RELT: variants seen among roughly 807,000 people sequenced by gnomAD.
RELT encodes the protein tumor necrosis factor receptor superfamily member 19L.
Under a neutral mutation model 51.1 loss-of-function variants are expected in RELT, and 37 were observed. The observed-to-expected ratio is 0.72, with a 90% CI of 0.56 to 0.95. The LOEUF (loss-of-function observed/expected upper bound fraction) is 0.95. Ranked by LOEUF, RELT falls within the 40% of genes least tolerant of loss-of-function variation. RELT has a pLI of 0.00. For synonymous variants in RELT, 241 were observed against 235.7 expected (o/e 1.02, Z -0.21); for missense variants, 535 against 572.6 (o/e 0.93, Z 0.67).
intron 1 of RELT, among the ~76,000 whole-genome samples, chr11:73,381,563 G>A (rs1249573036): frequency 6.6e-6 from 1 of 152,224 alleles, no homozygotes; most frequent in Non-Finnish European, 1.5e-5. Context: ...TTGACAGGGA[G>A]GCTGGGGAGG....
At chr11:73,377,688 C>CCA (rs1565216849) in intron 1 of RELT, among the ~76,000 whole-genome samples, 1 of 150,472 alleles carries the variant, frequency 6.6e-6, no homozygotes, top group Non-Finnish European at 1.5e-5. Flanking sequence ...CAGACCCCCC[C>CCA]GCCCCCCTCC....
chr11:73,395,882 G>GCC lies in RELT; in HGVS notation c.*392_*393dup. The GCC allele has an allele frequency of 3.1e-6, 1 of 319,462 alleles. No homozygotes were observed. The highest frequency in any genetic ancestry group is 6.9e-5 in the East Asian group (1 of 14,404). The allele number at this position is 319,462 out of a possible 1,614,324, so 19.8% of individuals were successfully genotyped here. ...TTCCTTGGTAATTAGCCACACCCTT[G>GCC]CCTCTGTACAGGGCCCTAGAGCAGA... On this transcript the variant is annotated 3_prime_UTR_variant, in exon 11 of 11. Coordinates refer to ENST00000064780, the MANE Select transcript of RELT (RefSeq NM_152222.2).
At position 73,394,262 on chromosome 11, in the gene RELT, C is replaced by T. The variant is rs1866268741; in HGVS notation, c.733C>T (p.Leu245=). Residue 245 remains leucine (L), a synonymous_variant, in exon 8 of 11, where the codon CTG becomes TTG. Transcript: ENST00000064780. The surrounding 1 kb of genome is among the most constrained non-coding windows in gnomAD (Gnocchi z 4.9). ...GAATGCTGCGGCCCTGGAGGAGCTG[C>T]TGAAAGAGTACCACAGCAAACAGCT... ...KENAAALEEL[L]KEYHSKQLVQ... is the part of the protein sequence containing the mutation. 1.9e-6 allele frequency: 3 copies of T among 1,611,118 alleles called. No homozygotes were observed. Among genetic ancestry groups the T allele is most frequent in the Non-Finnish European group, 2.5e-6 (3 of 1,179,174 alleles).
chr11:73,377,590 A>G (rs1411834754), intron 1 of RELT, among the ~76,000 whole-genome samples: 1 of 151,394 alleles, frequency 6.6e-6, no homozygotes, highest in African/African-American at 2.4e-5. Flanking sequence ...CTGCATCCAC[A>G]CACTCACGCA....
chr11:73,384,362 ACCC>A (rs1433065385), intron 1 of RELT: 2 of 152,276 alleles, frequency 1.3e-5, no homozygotes, highest in Non-Finnish European at 2.9e-5. Context: ...ACCAGGGCGA[ACCC>A]AGCACCGCCT....
chr11:73,385,041 A>G (rs528447044), intron 1 of RELT, among the ~76,000 whole-genome samples: 25 of 151,788 alleles, frequency 1.6e-4, no homozygotes, highest in Admixed American at 4.6e-4. Context: ...GCGCGTCACG[A>G]CGCCATCCTG....
chr11:73,393,191 A>T (rs1866247496), intron 6 of RELT: 1 of 999,672 alleles, frequency 1.0e-6, no homozygotes, highest in Non-Finnish European at 1.2e-6. Context: ...CGGGGGCAGG[A>T]AGCGGACAGG....
At chr11:73,378,376 G>C (rs955376082) in intron 1 of RELT, among the ~76,000 whole-genome samples, 5 of 152,210 alleles carry the variant, frequency 3.3e-5, no homozygotes, top group African/African-American at 1.2e-4. Flanking sequence ...GCACTGTTCT[G>C]AACACTTCAT....
intron 1 of RELT, among the ~76,000 whole-genome samples, chr11:73,385,609 G>A (rs1291769915): frequency 6.6e-6 from 1 of 152,188 alleles, no homozygotes; most frequent in Admixed American, 6.5e-5. Context: ...TGTCTGGTGG[G>A]GGAGCAAGGA....
rs1445335341 is a variant in RELT at position 73,390,880 on chromosome 11, C to T, written c.246C>T (p.Gly82=). The T allele has an allele frequency of 6.2e-7, 1 of 1,613,348 alleles. No individual in the cohort carries two copies. The highest frequency in any genetic ancestry group is 1.1e-5 in the South Asian group (1 of 91,048). The change falls in exon 4 of 11, where the codon GGC becomes GGT. Residue 82 remains glycine (G), a synonymous_variant. Transcript: ENST00000064780. ...GGAGGAGGCTGGAGGCCCAGGTGGG[C>T]ATGGCAACTCGAGATACACTCTGTG... The part of the protein sequence containing the change: ...SLWRRLEAQV[G]MATRDTLCGD...
rs1866160418 is a variant in RELT, at chr11:73,388,645, G to A, written c.-25-467G>A. On this transcript the variant is annotated intron_variant, in intron 1 of 10. Transcript: ENST00000064780. This position sits in a 1 kb window ranked among gnomAD's most constrained non-coding sequence, Gnocchi z 4.1. Reference sequence around the variant, plus strand: ...AGAACCAGCAGGAGTGAAGGCAGAGGCCGGGCATGCTTGCAGACCTGTGAG... The same window carrying A: ...AGAACCAGCAGGAGTGAAGGCAGAGACCGGGCATGCTTGCAGACCTGTGAG... Among the ~76,000 whole-genome samples the A allele has an allele frequency of 6.6e-6, 1 of 152,250 alleles. No homozygotes were observed. Among genetic ancestry groups the A allele is most frequent in the Non-Finnish European group, 1.5e-5 (1 of 68,048 alleles).
intron 7 of RELT, 75 bp downstream of exon 7, chr11:73,393,992 G>A (rs935462821): frequency 2.7e-5 from 39 of 1,420,074 alleles, no homozygotes; most frequent in African/African-American, 1.8e-4. Context: ...AGGCAGCCGC[G>A]GTGGGCAGAG....
chr11:73,381,573 G>C (rs1180777339), intron 1 of RELT, among the ~76,000 whole-genome samples: 1 of 152,194 alleles, frequency 6.6e-6, no homozygotes, highest in African/African-American at 2.4e-5. Context: ...GGCTGGGGAG[G>C]CTTCCTACAG....
chr11:73,377,298 G>GC (rs1012130516), intron 1 of RELT, among the ~76,000 whole-genome samples: 1 of 152,012 alleles, frequency 6.6e-6, no homozygotes, highest in Non-Finnish European at 1.5e-5. Context: ...GTGTGTCTGC[G>GC]CCTAGGGTGA....
intron 1 of RELT, among the ~76,000 whole-genome samples, chr11:73,385,928 AG>A (rs908871684): frequency 8.5e-5 from 13 of 152,346 alleles, no homozygotes; most frequent in African/African-American, 2.9e-4. Context: ...GTTACTCAGG[AG>A]GCTGAAGCAG....
intron 7 of RELT, 83 bp downstream of exon 7, chr11:73,394,000 G>A: frequency 1.5e-6 from 2 of 1,373,750 alleles, no homozygotes; most frequent in Non-Finnish European, 1.0e-6. Flanking sequence ...GCGGTGGGCA[G>A]AGTCTTGCCC....
In RELT at chr11:73,392,562, CTG is replaced by C. The variant is rs1404307968; in HGVS notation, c.625+95_625+96del. On this transcript the variant is annotated intron_variant, in intron 6 of 10. Coordinates refer to ENST00000064780, the MANE Select transcript of RELT (RefSeq NM_152222.2). ...CTGCCAGCGGAATCCTGCCTGGCCT[CTG>C]GGGTCTGAGAGGGAGAGGCTTGGGA... The C allele has an allele frequency of 4.7e-6, 7 of 1,500,478 alleles. No homozygotes were observed. The Admixed American group carries it at 5.9e-5, about 13-fold the overall frequency. 92.9% of individuals were successfully genotyped at this position (1,500,478 alleles called of 1,614,324 possible).
chr11:73,386,971 A>G (rs1024175809), intron 1 of RELT, among the ~76,000 whole-genome samples: 22 of 123,336 alleles, frequency 1.8e-4, no homozygotes, highest in Middle Eastern at 4.5e-3. Flanking sequence ...TTTGAGATGG[A>G]GTCTTGCTCT....
In RELT at chr11:73,394,166, C is replaced by G; in HGVS notation, c.707-70C>G. Reference sequence around the variant, plus strand: ...GTATGGAGGGTAGGTGGGGGGTTCTCTGCTGGGGCAGGGGGTGGGAGGTGT... The same window carrying G: ...GTATGGAGGGTAGGTGGGGGGTTCTGTGCTGGGGCAGGGGGTGGGAGGTGT... On this transcript the variant is annotated intron_variant, in intron 7 of 10. Transcript: ENST00000064780. This position sits in a 1 kb window ranked among gnomAD's most constrained non-coding sequence, Gnocchi z 4.9. 7.0e-7 allele frequency: 1 copy of G among 1,418,908 alleles called. No homozygotes were observed. The highest frequency in any genetic ancestry group is 9.7e-7 in the Non-Finnish European group (1 of 1,029,364). 87.9% of individuals were successfully genotyped at this position (1,418,908 alleles called of 1,614,324 possible). A position where few individuals can be genotyped will look rare whatever the true frequency, so the allele number is the denominator to read the frequency against.
Sources: gnomAD v4.1 joint callset for allele counts (sites outside exome capture counted in the v4.1 genomes callset) on GRCh38, gnomAD v4.1.1 for gene constraint, Gnocchi (gnomAD v3.1) non-coding constraint, MANE v1.5 for transcripts, NCBI Gene and HGNC (gene_info 2026-07-23, HGNC 2026-07-21) for gene names.